The following PRPS1 variants were observed in gnomAD, a reference collection of about 807,000 sequenced individuals.
The protein encoded by PRPS1 is ribose-phosphate pyrophosphokinase 1.
In PRPS1, 1 loss-of-function variant was observed where a neutral mutation model predicts 16.9. The ratio of observed to expected loss-of-function variants is 0.06; its 90% confidence interval spans 0.02 to 0.28. The LOEUF (loss-of-function observed/expected upper bound fraction) is 0.28. Ranked by LOEUF, PRPS1 falls within the 10% of genes least tolerant of loss-of-function variation. The pLI is 1.00. For synonymous variants in PRPS1, 70 were observed against 90.2 expected (o/e 0.78, Z 1.27); for missense variants, 47 against 254.0 (o/e 0.19, Z 5.54).
At position 107,642,850 on chromosome X, in the gene PRPS1, C is replaced by T. The variant is rs761338972; in HGVS notation, c.530+360C>T. Among the ~76,000 whole-genome samples the T allele has an allele frequency of 3.0e-4, 34 of 111,969 alleles. 1 individual carries two copies. Among genetic ancestry groups the T allele is most frequent in the African/African-American group, 8.7e-4 (27 of 30,877 alleles). Reference sequence around the variant, plus strand: ...TGAACCACATATTGGTGGACAAATTCGCTTTTACACTCCTCTTACAATGCT... The same window carrying T: ...TGAACCACATATTGGTGGACAAATTTGCTTTTACACTCCTCTTACAATGCT... On this transcript the variant is annotated intron_variant, in intron 4 of 6. Coordinates refer to ENST00000372435, the MANE Select transcript of PRPS1 (RefSeq NM_002764.4).
At position 107,639,876 on chromosome X, in the gene PRPS1, CATAG is replaced by C. The variant is rs749112922; in HGVS notation, c.306+418_306+421del. ...ATATGAATACTTGATCTGATAGATA[CATAG>C]ATAGATAGATAGATAGATAAACTAT... On this transcript the variant is annotated intron_variant, in intron 2 of 6. Coordinates refer to ENST00000372435, the MANE Select transcript of PRPS1 (RefSeq NM_002764.4). Among the ~76,000 whole-genome samples, 177 of 111,861 alleles carry C rather than the reference CATAG, an allele frequency of 1.6e-3. 1 individual carries two copies. The highest frequency in any genetic ancestry group is 1.7e-3 in the African/African-American group (53 of 30,834).
At chrX:107,649,646 G>A (rs1436538916) in intron 6 of PRPS1, among the ~76,000 whole-genome samples, 5 of 108,683 alleles carry the variant, frequency 4.6e-5, no homozygotes, top group Middle Eastern at 5.1e-3. Context: ...TAGTAGAGAC[G>A]GGGTTTCATC....
intron 1 of PRPS1, among the ~76,000 whole-genome samples, chrX:107,638,282 A>G (rs952629279): frequency 3.6e-5 from 4 of 110,823 alleles, no homozygotes; most frequent in Admixed American, 9.6e-5. Context: ...GCTGATTTTT[A>G]TACTTTAGTA....
intron 4 of PRPS1, among the ~76,000 whole-genome samples, chrX:107,642,852 C>T (rs934740642): frequency 8.9e-6 from 1 of 112,024 alleles, no homozygotes; most frequent in Non-Finnish European, 1.9e-5. Flanking sequence ...GACAAATTCG[C>T]TTTTACACTC....
chrX:107,647,486 TTTA>T (rs1925724867), intron 5 of PRPS1, 117 bp from the exon 6 acceptor site: 2 of 835,615 alleles, frequency 2.4e-6, no homozygotes, highest in Admixed American at 6.1e-5. Context: ...TTTTTATTTT[TTTA>T]TTTTTTTTCA....
rs780750403 is a variant in PRPS1 at position 107,647,663 on chromosome X, C to T, written c.762C>T (p.Ser254=). 5 of 1,210,845 alleles carry T rather than the reference C, an allele frequency of 4.1e-6. No individual in the cohort carries two copies. Among genetic ancestry groups the T allele is most frequent in the Admixed American group, 2.2e-5 (1 of 45,957 alleles). The change falls in exon 6 of 7, where the codon TCC becomes TCT. Residue 254 remains serine (S), a synonymous_variant. Coordinates refer to ENST00000372435, the MANE Select transcript of PRPS1 (RefSeq NM_002764.4). ...VYAILTHGIF[S]GPAISRINNA... ...CCATCTTGACTCATGGAATCTTCTCCGGTCCTGCTATTTCTCGCATCAACA... is the reference window on the plus strand; with the variant it reads ...CCATCTTGACTCATGGAATCTTCTCTGGTCCTGCTATTTCTCGCATCAACA...
intron 1 of PRPS1, among the ~76,000 whole-genome samples, chrX:107,633,513 A>T (rs1925359015): frequency 9.0e-6 from 1 of 110,690 alleles, no homozygotes; most frequent in African/African-American, 3.3e-5. Flanking sequence ...GGTACTAGCG[A>T]CTGTATTGGG....
chrX:107,628,883 C>T, intron 1 of PRPS1, 133 bp downstream of exon 1: 1 of 920,501 alleles, frequency 1.1e-6, no homozygotes, highest in Non-Finnish European at 1.5e-6. Flanking sequence ...GACTAGCCTA[C>T]CCCACGGGCT....
chrX:107,643,128 A>G (rs993241102), intron 4 of PRPS1, among the ~76,000 whole-genome samples: 5 of 112,576 alleles, frequency 4.4e-5, no homozygotes, highest in Admixed American at 1.9e-4. Flanking sequence ...ATGAAGAGCT[A>G]CAAAACACAG....
At position 107,650,248 on chromosome X, in the gene PRPS1, A is replaced by G. The variant is rs1925799867; in HGVS notation, c.*216A>G. The G allele has an allele frequency of 3.0e-6, 2 of 659,029 alleles. No individual in the cohort carries two copies. The highest frequency in any genetic ancestry group is 5.9e-5 in the South Asian group (2 of 33,933). 54.3% of individuals were successfully genotyped at this position (659,029 alleles called of 1,213,427 possible). On this transcript the variant is annotated 3_prime_UTR_variant, in exon 7 of 7. Coordinates refer to ENST00000372435, the MANE Select transcript of PRPS1 (RefSeq NM_002764.4). ...GCATTATCTCATTCTGGCTTCCTTG[A>G]TAATTCTGTGGGCCTTGCAGCTTTA... is the stretch of plus-strand genomic sequence containing the variant.
At chrX:107,630,516 T>G (rs1197983927) in intron 1 of PRPS1, among the ~76,000 whole-genome samples, 1 of 111,985 alleles carries the variant, frequency 8.9e-6, no homozygotes, top group African/African-American at 3.2e-5. Context: ...TGTTTCTGGC[T>G]TAATCATTAG....
chrX:107,650,149 C>T lies in PRPS1; in HGVS notation c.*117C>T. 8.6e-7 allele frequency: 1 copy of T among 1,158,154 alleles called. No homozygotes were observed. The highest frequency in any genetic ancestry group is 1.2e-6 in the Non-Finnish European group (1 of 859,564). Reference sequence around the variant, plus strand: ...TTGCTCCAGTGTAGCTTTCTACATCCCACATCAGGTATATTAGAGCTTATC... The same window carrying T: ...TTGCTCCAGTGTAGCTTTCTACATCTCACATCAGGTATATTAGAGCTTATC... On this transcript the variant is annotated 3_prime_UTR_variant, in exon 7 of 7. Coordinates refer to ENST00000372435, the MANE Select transcript of PRPS1 (RefSeq NM_002764.4).
chrX:107,634,624 A>G (rs1925387622), intron 1 of PRPS1, among the ~76,000 whole-genome samples: 1 of 110,601 alleles, frequency 9.0e-6, no homozygotes, highest in Non-Finnish European at 1.9e-5. Context: ...TTATTTTCAT[A>G]AAGTTATTTA....
Position 107,647,706 on chromosome X carries a change from G to T in PRPS1, c.805G>T (p.Val269Leu), listed in dbSNP as rs1241819619. The T allele has an allele frequency of 1.7e-6, 2 of 1,211,153 alleles. No homozygotes were observed. The highest frequency in any genetic ancestry group is 4.3e-5 in the Admixed American group (2 of 46,024). ...SRINNACFEA[V>L]VVTNTIPQED... The stretch of plus-strand genomic sequence containing the variant: ...CATCAACAACGCATGCTTTGAGGCA[G>T]TAGTAGTCACCAATACCATACCTCA... The change falls in exon 6 of 7, where the codon GTA (valine) becomes TTA (leucine). Residue 269 changes from valine (V) to leucine (L), a missense_variant. Physicochemically the swap from Val to Leu is conservative, Grantham distance 32. Around this residue, in one of 3 missense-constraint regions of PRPS1, gnomAD observed 26 missense variants for 70.2 expected, o/e 0.37. Coordinates refer to ENST00000372435, the MANE Select transcript of PRPS1 (RefSeq NM_002764.4).
At chrX:107,636,771 AATTG>A (rs1267933373) in intron 1 of PRPS1, 1 of 112,373 alleles carries the variant, frequency 8.9e-6, no homozygotes, top group Admixed American at 9.5e-5. Context: ...CTGGCAATAG[AATTG>A]CCTCTGCCAG....
chrX:107,642,052 C>T (rs928321737), intron 3 of PRPS1, among the ~76,000 whole-genome samples: 1 of 112,396 alleles, frequency 8.9e-6, no homozygotes, highest in African/African-American at 3.2e-5. Context: ...TATTTACAAA[C>T]TCACTGAGTC....
chrX:107,642,613 C>G, intron 4 of PRPS1, 123 bp downstream of exon 4: 2 of 881,534 alleles, frequency 2.3e-6, no homozygotes, highest in Non-Finnish European at 3.3e-6. Flanking sequence ...ATGTAAGTAG[C>G]TAGCACATGG....
intron 1 of PRPS1, among the ~76,000 whole-genome samples, chrX:107,630,981 A>T (rs1473336561): frequency 8.9e-6 from 1 of 111,912 alleles, no homozygotes; most frequent in Non-Finnish European, 1.9e-5. Context: ...GGTGGTGATA[A>T]TATTGCAGAA....
intron 1 of PRPS1, among the ~76,000 whole-genome samples, chrX:107,630,709 A>T (rs1925289986): frequency 1.9e-5 from 2 of 107,398 alleles, no homozygotes; most frequent in South Asian, 8.2e-4. Flanking sequence ...TAACATAAGG[A>T]TCATCCTTGG....
Sources: gnomAD v4.1 joint callset for allele counts (sites outside exome capture counted in the v4.1 genomes callset) on GRCh38, gnomAD v4.1.1 for gene constraint, gnomAD v4.1.1 regional missense constraint, MANE v1.5 for transcripts, NCBI Gene and HGNC (gene_info 2026-07-23, HGNC 2026-07-21) for gene names.